The following TXLNB variants were observed in gnomAD, a reference collection of about 807,000 sequenced individuals.
TXLNB encodes taxilin beta, also known as beta-taxilin.
A neutral mutation model predicts 57.4 loss-of-function variants in TXLNB; 37 were observed. The observed-to-expected ratio is 0.64, with a 90% CI of 0.50 to 0.85. TXLNB has a LOEUF of 0.85. Among genes scored for constraint, TXLNB ranks in the 40% least tolerant of loss-of-function variants. The pLI is 0.00. For missense variants in TXLNB, 848 were observed against 825.6 expected (o/e 1.03, Z -0.33); for synonymous variants, 302 against 309.6 (o/e 0.98, Z 0.26).
chr6:139,268,631 G>C (rs765257882), intron 4 of TXLNB, among the ~76,000 whole-genome samples: 3 of 152,164 alleles, frequency 2.0e-5, no homozygotes, highest in African/African-American at 4.8e-5. Context: ...AACCAATTTG[G>C]ATTGCTGAGT....
the TXLNB span, chr6:139,177,454 T>G: frequency 5.9e-6 from 1 of 168,352 alleles, no homozygotes; most frequent in Non-Finnish European, 1.3e-5. This position sits in a 1 kb window ranked among gnomAD's most constrained non-coding sequence, Gnocchi z 4.9. Flanking sequence ...AAGGAAACTC[T>G]TACTAAAATG....
the TXLNB span, among the ~76,000 whole-genome samples, chr6:139,231,596 C>T: frequency 6.6e-6 from 1 of 152,146 alleles, no homozygotes; most frequent in Non-Finnish European, 1.5e-5. Context: ...TCTTGCCTGA[C>T]TTAACAGAAG....
chr6:139,237,304 AT>A (rs1775846303), downstream of TXLNB: 1 of 152,116 alleles, frequency 6.6e-6, no homozygotes, highest in African/African-American at 2.4e-5. Flanking sequence ...GATCGAGACC[AT>A]CCTGGCTAAC....
the TXLNB span, among the ~76,000 whole-genome samples, chr6:139,232,609 T>A: frequency 0.75 from 114,430 of 152,074 alleles, 43,249 homozygotes; most frequent in East Asian, 0.83. Context: ...TCTCAGGCTC[T>A]TGACAGTTTT....
chr6:139,227,263 C>T, the TXLNB span, among the ~76,000 whole-genome samples: 5 of 151,482 alleles, frequency 3.3e-5, no homozygotes, highest in African/African-American at 9.7e-5. Flanking sequence ...CGCTAGAACC[C>T]GAGAGGTGGA....
At chr6:139,294,744 C>T (rs1042438329), upstream of TXLNB, among the ~76,000 whole-genome samples, 5 of 152,126 alleles carry the variant, frequency 3.3e-5, no homozygotes, top group Non-Finnish European at 7.4e-5. Context: ...AATACCAGCA[C>T]GTTGGGAGGC....
chr6:139,175,057 G>A, the TXLNB span, among the ~76,000 whole-genome samples: 2 of 152,098 alleles, frequency 1.3e-5, no homozygotes, highest in Non-Finnish European at 2.9e-5. Flanking sequence ...TGCCTTGTAA[G>A]GTGTTTGAGG....
chr6:139,313,143 G>C, the TXLNB span, among the ~76,000 whole-genome samples: 8 of 151,776 alleles, frequency 5.3e-5, no homozygotes, highest in African/African-American at 1.9e-4. Flanking sequence ...CGCGATCTCG[G>C]CTCGCTGCAA....
At chr6:139,311,425 T>C in the TXLNB span, among the ~76,000 whole-genome samples, 1 of 150,690 alleles carries the variant, frequency 6.6e-6, no homozygotes, top group Non-Finnish European at 1.5e-5. Flanking sequence ...TGCTGCAGAG[T>C]GTTCTATTTG....
At chr6:139,238,565 A>C (rs1775862380), downstream of TXLNB, among the ~76,000 whole-genome samples, 1 of 152,226 alleles carries the variant, frequency 6.6e-6, no homozygotes, top group Non-Finnish European at 1.5e-5. Flanking sequence ...AAACCACCAA[A>C]GAGACTTAAC....
the TXLNB span, among the ~76,000 whole-genome samples, chr6:139,202,347 G>C: frequency 9.1e-6 from 1 of 109,972 alleles, no homozygotes; most frequent in South Asian, 2.4e-4. Flanking sequence ...CAATCATTTG[G>C]TCTCTTTTAT....
At position 139,242,071 on chromosome 6, in the gene TXLNB, T is replaced by C. The variant is rs949080173; in HGVS notation, c.*455A>G. 1 of 152,812 alleles carries C rather than the reference T, an allele frequency of 6.5e-6. No individual in the cohort carries two copies. Among genetic ancestry groups the C allele is most frequent in the African/African-American group, 2.4e-5 (1 of 41,472 alleles). 9.5% of individuals were successfully genotyped at this position (152,812 alleles called of 1,614,324 possible). A position where few individuals can be genotyped will look rare whatever the true frequency, so the allele number is the denominator to read the frequency against. On this transcript the variant is annotated 3_prime_UTR_variant, in exon 10 of 10. Coordinates refer to ENST00000358430, the MANE Select transcript of TXLNB (RefSeq NM_153235.4). Reference sequence around the variant, plus strand: ...TACATATAATAAGTACACACGTATGTATATATTATGTATATGTATAGTTTA... The same window carrying C: ...TACATATAATAAGTACACACGTATGCATATATTATGTATATGTATAGTTTA...
chr6:139,217,383 C>T, the TXLNB span, among the ~76,000 whole-genome samples: 4 of 151,912 alleles, frequency 2.6e-5, no homozygotes, highest in Non-Finnish European at 5.9e-5. Flanking sequence ...AGAAGGGAGT[C>T]GGGATGTGTA....
intron 6 of TXLNB, among the ~76,000 whole-genome samples, chr6:139,259,997 C>T (rs768404366): frequency 2.0e-5 from 3 of 152,140 alleles, no homozygotes; most frequent in Middle Eastern, 3.4e-3. Context: ...CCGAGGAAGG[C>T]GGATCACCTG....
At chr6:139,225,346 T>A in the TXLNB span, among the ~76,000 whole-genome samples, 1 of 151,632 alleles carries the variant, frequency 6.6e-6, no homozygotes, top group African/African-American at 2.4e-5. Flanking sequence ...GCAAGAAAAA[T>A]TAATAAAAGA....
intron 7 of TXLNB, among the ~76,000 whole-genome samples, chr6:139,252,107 T>C (rs1402753510): frequency 2.6e-5 from 4 of 152,238 alleles, no homozygotes; most frequent in East Asian, 1.9e-4. Context: ...GCTTGTATAA[T>C]TGAAAGCCAG....
chr6:139,261,047 A>C (rs1776467747), intron 5 of TXLNB, among the ~76,000 whole-genome samples: 1 of 152,134 alleles, frequency 6.6e-6, no homozygotes. Flanking sequence ...AAATGTGCAG[A>C]GCTCGCCACA....
At position 139,241,054 on chromosome 6, in the gene TXLNB, C is replaced by G. The variant is rs940230957; in HGVS notation, c.*1472G>C. On this transcript the variant is annotated 3_prime_UTR_variant, in exon 10 of 10. Transcript: ENST00000358430. The stretch of plus-strand genomic sequence containing the variant: ...TTCATTGTTGCAGCTATCCTTTACC[C>G]TAGGTAATTTATGTTGTCAGTATCA... 1 of 152,142 alleles carries G rather than the reference C, an allele frequency of 6.6e-6. No homozygotes were observed. The highest frequency in any genetic ancestry group is 1.5e-5 in the Non-Finnish European group (1 of 68,038). The allele number at this position is 152,142 out of a possible 1,614,324, so 9.4% of individuals were successfully genotyped here.
chr6:139,165,011 A>G, the TXLNB span, among the ~76,000 whole-genome samples: 3 of 152,220 alleles, frequency 2.0e-5, no homozygotes, highest in Non-Finnish European at 4.4e-5. Flanking sequence ...CAGTCAGCTA[A>G]CGACAAGAAC....
Sources: allele counts gnomAD v4.1 joint callset (sites outside exome capture counted in the v4.1 genomes callset), GRCh38; gene constraint gnomAD v4.1.1; non-coding constraint Gnocchi (gnomAD v3.1); transcripts MANE v1.5; gene names NCBI Gene and HGNC (gene_info 2026-07-23, HGNC 2026-07-21).